TRIM9: variants seen among roughly 807,000 people sequenced by gnomAD.
The protein encoded by TRIM9 is E3 ubiquitin-protein ligase TRIM9.
A neutral mutation model predicts 78.3 loss-of-function variants in TRIM9; 26 were observed. The observed-to-expected ratio is 0.33, with a 90% CI of 0.24 to 0.46. The LOEUF is 0.46. Among genes scored for constraint, TRIM9 ranks in the 20% least tolerant of loss-of-function variants. The pLI is 1.00. For missense variants in TRIM9, 787 were observed against 1,036.4 expected (o/e 0.76, Z 3.30); for synonymous variants, 398 against 416.5 (o/e 0.96, Z 0.54).
At position 51,094,472 on chromosome 14, in the gene TRIM9, G is replaced by C; in HGVS notation, c.468C>G (p.Asp156Glu). ...CCGCGGCTTTGCTCTGCTGGTAGCG[G>C]TCAATTACCCCTTCCAGTACGCGAT... The part of the protein sequence containing the change: ...PKNRVLEGVI[D>E]RYQQSKAAAL... Residue 156 changes from aspartate (D) to glutamate (E), a missense_variant, in exon 1 of 13, where the codon GAC becomes GAG. Asp to Glu is a conservative substitution (Grantham distance 45). Around this residue, in one of 3 missense-constraint regions of TRIM9, gnomAD observed 352 missense variants for 472.3 expected, o/e 0.75. Transcript: ENST00000684578. 1 of 1,613,774 alleles carries C rather than the reference G, an allele frequency of 6.2e-7. No individual in the cohort carries two copies. The highest frequency in any genetic ancestry group is 8.5e-7 in the Non-Finnish European group (1 of 1,179,946).
chr14:50,979,001 A>G, intron 12 of TRIM9: 1 of 1,192,998 alleles, frequency 8.4e-7, no homozygotes, highest in South Asian at 3.6e-5. Flanking sequence ...CTAATGCTTC[A>G]GTCTTACACC....
chr14:51,067,808 T>C (rs1023262727), intron 1 of TRIM9, among the ~76,000 whole-genome samples: 1 of 152,120 alleles, frequency 6.6e-6, no homozygotes, highest in African/African-American at 2.4e-5. Context: ...CTCCATTACA[T>C]TCTACCATTT....
chr14:51,059,150 C>T (rs1448040102), intron 1 of TRIM9, among the ~76,000 whole-genome samples: 1 of 152,202 alleles, frequency 6.6e-6, no homozygotes, highest in African/African-American at 2.4e-5. Flanking sequence ...TCAGTTCTTT[C>T]CTCCAAGGAG....
At chr14:51,005,938 G>C (rs999671568) in intron 5 of TRIM9, among the ~76,000 whole-genome samples, 1 of 152,192 alleles carries the variant, frequency 6.6e-6, no homozygotes, top group Non-Finnish European at 1.5e-5. Flanking sequence ...TTTAGATAGT[G>C]CATTCTTGCT....
At chr14:51,040,034 C>CG (rs1328780582) in intron 1 of TRIM9, among the ~76,000 whole-genome samples, 2 of 152,190 alleles carry the variant, frequency 1.3e-5, no homozygotes, top group Non-Finnish European at 2.9e-5. Context: ...CCGCCCGCCT[C>CG]GGTCTCCCAA....
chr14:51,069,439 A>G (rs1444898934), intron 1 of TRIM9, among the ~76,000 whole-genome samples: 1 of 152,158 alleles, frequency 6.6e-6, no homozygotes, highest in Non-Finnish European at 1.5e-5. Flanking sequence ...ATACAGTTCA[A>G]CATCCTACAA....
At position 50,977,338 on chromosome 14, in the gene TRIM9, C is replaced by T. The variant is rs778008600; in HGVS notation, c.2341G>A (p.Gly781Arg). ...NRNVQVTLHTGLPVPDFYSSR... is the reference protein window; with the variant it reads ...NRNVQVTLHTRLPVPDFYSSR... The stretch of plus-strand genomic sequence containing the variant: ...GAGTAGAAGTCGGGGACTGGGAGCC[C>T]GGTGTGCAGCGTGACCTGGGGAATG... Residue 781 changes from glycine (G) to arginine (R), a missense_variant, in exon 13 of 13, where the codon GGG (glycine) becomes AGG (arginine). By Grantham distance (125) the Gly-to-Arg change is moderately radical. Transcript: ENST00000684578. 8 of 1,548,074 alleles carry T rather than the reference C, an allele frequency of 5.2e-6. No homozygotes were observed. The highest frequency in any genetic ancestry group is 1.4e-5 in the African/African-American group (1 of 71,868).
intron 2 of TRIM9, among the ~76,000 whole-genome samples, chr14:51,024,146 G>T (rs934405632): frequency 6.6e-6 from 1 of 152,194 alleles, no homozygotes; most frequent in East Asian, 1.9e-4. Flanking sequence ...ATTGGAGGGT[G>T]GGGTGAGGGG....
chr14:51,020,360 A>C (rs1257944545), intron 3 of TRIM9, among the ~76,000 whole-genome samples: 2 of 152,156 alleles, frequency 1.3e-5, no homozygotes, highest in Non-Finnish European at 2.9e-5. Context: ...TGACAGATAT[A>C]ATCAGCTGAA....
At chr14:51,010,052 G>A (rs2056377135) in intron 4 of TRIM9, among the ~76,000 whole-genome samples, 1 of 151,624 alleles carries the variant, frequency 6.6e-6, no homozygotes, top group South Asian at 2.1e-4. Flanking sequence ...CGAATTCTTG[G>A]GCAAGGCAAT....
chr14:50,982,577 T>G, intron 10 of TRIM9: 1 of 328,392 alleles, frequency 3.0e-6, no homozygotes. Context: ...ATCTAGTCGC[T>G]TTGAAGTCTT....
At chr14:50,985,484 T>G (rs577221274) in intron 8 of TRIM9, among the ~76,000 whole-genome samples, 7 of 152,294 alleles carry the variant, frequency 4.6e-5, no homozygotes, top group African/African-American at 1.4e-4. Context: ...TTTATTGTAC[T>G]TTGTCAATAA....
chr14:51,023,068 A>G, intron 2 of TRIM9, 111 bp from the exon 3 acceptor site: 1 of 1,395,898 alleles, frequency 7.2e-7, no homozygotes. Context: ...CTCTGTCCAC[A>G]ATGCACATTT....
At position 51,085,699 on chromosome 14, in the gene TRIM9, C is replaced by T. The variant is rs139833871; in HGVS notation, c.822+8419G>A. Among the ~76,000 whole-genome samples the T allele has an allele frequency of 7.9e-3, 1,197 of 152,124 alleles. 9 individuals carry two copies. The highest frequency in any genetic ancestry group is 0.049 in the South Asian group (238 of 4,820). On this transcript the variant is annotated intron_variant, in intron 1 of 12. Coordinates refer to ENST00000684578, the MANE Select transcript of TRIM9 (RefSeq NM_001387360.1). ...TGTAGAAATAAAGATACTTAAAATGCCTATGGATTTTTATTTTTAAAATCT... is the reference window on the plus strand; with the variant it reads ...TGTAGAAATAAAGATACTTAAAATGTCTATGGATTTTTATTTTTAAAATCT...
At chr14:51,051,031 TTAGTTA>T (rs1214900174) in intron 1 of TRIM9, among the ~76,000 whole-genome samples, 16 of 152,214 alleles carry the variant, frequency 1.1e-4, no homozygotes. Context: ...TGAGTTGTTT[TTAGTTA>T]TTAAGTGTCT....
At chr14:51,066,508 G>A (rs955969322) in intron 1 of TRIM9, among the ~76,000 whole-genome samples, 3 of 152,228 alleles carry the variant, frequency 2.0e-5, no homozygotes, top group African/African-American at 7.2e-5. Flanking sequence ...GTCTTTACTG[G>A]TTCCTCACTT....
At chr14:51,002,576 A>T (rs1369063601) in intron 5 of TRIM9, among the ~76,000 whole-genome samples, 2 of 152,230 alleles carry the variant, frequency 1.3e-5, no homozygotes, top group Non-Finnish European at 2.9e-5. Context: ...ACAAATGTTC[A>T]TCATGGAACA....
chr14:51,094,023 T>C lies in TRIM9; in HGVS notation c.822+95A>G, dbSNP rs984653769. ...GAAGGCACCTGCATTGCGCCCCCAC[T>C]GGGATGCGCTGTGCGCAAGAGACGG... On this transcript the variant is annotated intron_variant, in intron 1 of 12. Transcript: ENST00000684578. The C allele has an allele frequency of 8.4e-6, 11 of 1,302,310 alleles. No individual in the cohort carries two copies. In the African/African-American group the frequency reaches 8.7e-5, roughly 10 times the overall value. 80.7% of individuals were successfully genotyped at this position (1,302,310 alleles called of 1,614,324 possible).
At chr14:51,060,714 G>A (rs1265382761) in intron 1 of TRIM9, among the ~76,000 whole-genome samples, 2 of 152,134 alleles carry the variant, frequency 1.3e-5, no homozygotes, top group Non-Finnish European at 2.9e-5. Context: ...TGATCTGCCC[G>A]CCTCGGCCTC....
Sources: allele counts gnomAD v4.1 joint callset (sites outside exome capture counted in the v4.1 genomes callset), GRCh38; gene constraint gnomAD v4.1.1; regional missense constraint gnomAD v4.1.1; transcripts MANE v1.5; gene names NCBI Gene and HGNC (gene_info 2026-07-23, HGNC 2026-07-21).